The following BMI1 variants were observed in gnomAD, a reference collection of about 807,000 sequenced individuals.
BMI1 encodes the protein polycomb complex protein BMI-1.
BMI1 carries 9 observed loss-of-function variants against 39.1 expected under a neutral mutation model. That is an observed-to-expected ratio of 0.23 (90% CI 0.14 to 0.40). BMI1 has a LOEUF of 0.40. Ranked by LOEUF, BMI1 falls within the 10% of genes least tolerant of loss-of-function variation. BMI1 has a pLI of 1.00. For synonymous variants in BMI1, 131 were observed against 127.9 expected (o/e 1.02, Z -0.16); for missense variants, 252 against 390.8 (o/e 0.64, Z 2.99).
chr10:22,327,109 C>G, intron 3 of BMI1, 123 bp downstream of exon 3: 1 of 1,102,386 alleles, frequency 9.1e-7, no homozygotes, highest in Non-Finnish European at 1.3e-6. Flanking sequence ...TATGTGTGTG[C>G]TTTGTGGAGG....
Position 22,326,483 on chromosome 10 carries a change from C to G in BMI1, c.34C>G (p.Leu12Val), listed in dbSNP as rs1294694270. The G allele has an allele frequency of 6.2e-7, 1 of 1,613,948 alleles. No homozygotes were observed. Among genetic ancestry groups the G allele is most frequent in the Non-Finnish European group, 8.5e-7 (1 of 1,180,036 alleles). Residue 12 changes from leucine (L) to valine (V), a missense_variant, in exon 2 of 10, where the codon CTA becomes GTA. Around this residue, in one of 4 missense-constraint regions of BMI1, gnomAD observed 62 missense variants for 123.3 expected, o/e 0.50. Coordinates refer to ENST00000376663, the MANE Select transcript of BMI1 (RefSeq NM_005180.9). The stretch of plus-strand genomic sequence containing the variant: ...AACAACGAGAATCAAGATCACTGAG[C>G]TAAATCCCCACCTGATGTGTGTGCT... ...HRTTRIKITE[L>V]NPHLMCVLCG...
intron 7 of BMI1, 125 bp from the exon 8 acceptor site, chr10:22,328,471 ATTAG>A (rs1836208810): frequency 4.6e-6 from 4 of 876,740 alleles, no homozygotes; most frequent in Non-Finnish European, 3.3e-6. Flanking sequence ...TCAGAGTGTA[ATTAG>A]TTGAGAGGTT....
intron 3 of BMI1, 96 bp downstream of exon 3, chr10:22,327,082 C>A (rs112673710): frequency 2.2e-6 from 3 of 1,345,098 alleles, no homozygotes; most frequent in African/African-American, 2.9e-5. Flanking sequence ...AAAATTTACT[C>A]TTGAATACAT....
At chr10:22,328,457 A>G in intron 7 of BMI1, 143 bp from the exon 8 acceptor site, 2 of 818,046 alleles carry the variant, frequency 2.4e-6, no homozygotes, top group Non-Finnish European at 3.6e-6. Context: ...TAATGATAGT[A>G]AACTCAGAGT....
At chr10:22,326,255 A>G (rs761686772) in intron 1 of BMI1, among the ~76,000 whole-genome samples, 176 bp from the exon 2 acceptor site, 2 of 152,038 alleles carry the variant, frequency 1.3e-5, no homozygotes, top group Non-Finnish European at 2.9e-5. Flanking sequence ...CTTTTGCATC[A>G]GTTTGGTAGA....
At chr10:22,329,157 G>A in intron 9 of BMI1, 29 bp downstream of exon 9, 1 of 1,610,768 alleles carries the variant, frequency 6.2e-7, no homozygotes, top group Non-Finnish European at 8.5e-7. Flanking sequence ...GTTAGATTAT[G>A]ATGGTAAACT....
intron 1 of BMI1, 30 bp from the exon 2 acceptor site, chr10:22,326,401 A>C (rs1253665855): frequency 3.7e-6 from 6 of 1,607,056 alleles, no homozygotes; most frequent in Non-Finnish European, 5.1e-6. Context: ...TTGTTCTGTG[A>C]ATTATGGCCA....
chr10:22,329,553 T>G lies in BMI1; in HGVS notation c.*11T>G. On this transcript the variant is annotated 3_prime_UTR_variant, in exon 10 of 10. Transcript: ENST00000376663. ...ACTTCTTCTGGTTGATACCTGAGAC[T>G]GTTAAGGAAAAAAATTTTAAACCCC... 1 of 1,606,198 alleles carries G rather than the reference T, an allele frequency of 6.2e-7. No individual in the cohort carries two copies.
At chr10:22,326,369 G>A in intron 1 of BMI1, 62 bp from the exon 2 acceptor site, 1 of 1,594,988 alleles carries the variant, frequency 6.3e-7, no homozygotes, top group South Asian at 1.1e-5. Flanking sequence ...CAGGGTTTGT[G>A]ATTACTAGAT....
In BMI1 at chr10:22,329,067, A is replaced by C; in HGVS notation, c.590A>C (p.Glu197Ala). Residue 197 changes from glutamate to alanine, a missense_variant, in exon 9 of 10, where the codon GAG becomes GCG. By Grantham distance (107) the Glu-to-Ala change is moderately radical. This residue lies in a region of BMI1 where 27 missense variants were observed against 77.4 expected (regional missense o/e 0.35). Transcript: ENST00000376663. ...NTFQIDVMYE[E>A]EPLKDYYTLM... ...CACTAGATTGATGTCATGTATGAGG[A>C]GGAACCTTTAAAGGATTATTATACA... is the stretch of plus-strand genomic sequence containing the variant. 6.2e-7 allele frequency: 1 copy of C among 1,609,126 alleles called. No individual in the cohort carries two copies. The highest frequency in any genetic ancestry group is 2.2e-5 in the East Asian group (1 of 44,792).
In BMI1 at chr10:22,327,736, A is replaced by G. The variant is rs762779689; in HGVS notation, c.266-6A>G. 4.3e-6 allele frequency: 7 copies of G among 1,613,236 alleles called. No individual in the cohort carries two copies. Among genetic ancestry groups the G allele is most frequent in the Non-Finnish European group, 5.9e-6 (7 of 1,179,612 alleles). On this transcript the variant is annotated splice_polypyrimidine_tract_variant and splice_region_variant and intron_variant, in intron 4 of 9. Coordinates refer to ENST00000376663, the MANE Select transcript of BMI1 (RefSeq NM_005180.9). ...CCAAATGTTTACATCTTTTTTCCCC[A>G]TTCAGATGAAATGAAGAGAAGAAGG... is the stretch of plus-strand genomic sequence containing the variant.
chr10:22,329,749 T>C lies in BMI1; in HGVS notation c.*207T>C. ...AAAGAAAGATTGTTGTTATAAAGAA[T>C]TGGTTTCTTGGAAAGCAGGCAAGAC... On this transcript the variant is annotated 3_prime_UTR_variant, in exon 10 of 10. Coordinates refer to ENST00000376663, the MANE Select transcript of BMI1 (RefSeq NM_005180.9). 1.6e-6 allele frequency: 1 copy of C among 616,000 alleles called. No homozygotes were observed. The highest frequency in any genetic ancestry group is 2.7e-6 in the Non-Finnish European group (1 of 376,016). 38.2% of individuals were successfully genotyped at this position (616,000 alleles called of 1,614,324 possible).
Position 22,326,464 on chromosome 10 carries a change from G to T in BMI1, c.15G>T (p.Thr5=). The T allele has an allele frequency of 1.9e-6, 3 of 1,613,648 alleles. No homozygotes were observed. The highest frequency in any genetic ancestry group is 2.5e-6 in the Non-Finnish European group (3 of 1,179,990). ...ATCAAGCAGAAATGCATCGAACAAC[G>T]AGAATCAAGATCACTGAGCTAAATC... MHRT[T]RIKITELNPH... Residue 5 remains threonine, a synonymous_variant, in exon 2 of 10, where the codon ACG becomes ACT. Coordinates refer to ENST00000376663, the MANE Select transcript of BMI1 (RefSeq NM_005180.9).
intron 1 of BMI1, among the ~76,000 whole-genome samples, chr10:22,323,746 AGT>A (rs1378839819): frequency 6.6e-6 from 1 of 152,238 alleles, no homozygotes; most frequent in Non-Finnish European, 1.5e-5. Flanking sequence ...TTAACGGTTG[AGT>A]ATTTTTACCA....
In BMI1 at chr10:22,331,168, C is replaced by T. The variant is rs527727863; in HGVS notation, c.*1626C>T. 2 of 152,256 alleles carry T rather than the reference C, an allele frequency of 1.3e-5. No individual in the cohort carries two copies. The highest frequency in any genetic ancestry group is 3.9e-4 in the East Asian group (2 of 5,188). The allele number at this position is 152,256 out of a possible 1,614,324, so 9.4% of individuals were successfully genotyped here. ...TATTTTGACCTAAATTTGTACAGTC[C>T]CATTGTAAGTGTTGTTTCTAATTAT... On this transcript the variant is annotated 3_prime_UTR_variant, in exon 10 of 10. Transcript: ENST00000376663.
rs1341130987 is a variant in BMI1 at position 22,327,618 on chromosome 10, T to C, written c.233T>C (p.Ile78Thr). The change falls in exon 4 of 10, where the codon ATT becomes ACT. Residue 78 changes from isoleucine to threonine, a missense_variant. Physicochemically the swap from Ile to Thr is moderately conservative, Grantham distance 89. Transcript: ENST00000376663. ...NIRSDKTLQD[I>T]VYKLVPGLFK... ...AGGTCAGATAAAACTCTCCAAGATA[T>C]TGTATACAAATTAGTTCCAGGGCTT... 9 of 1,611,952 alleles carry C rather than the reference T, an allele frequency of 5.6e-6. No homozygotes were observed. Among genetic ancestry groups the C allele is most frequent in the African/African-American group, 1.3e-5 (1 of 74,922 alleles).
rs1288860147 is a variant in BMI1 at position 22,329,329 on chromosome 10, C to T, written c.768C>T (p.Asp256=). 1 of 1,614,172 alleles carries T rather than the reference C, an allele frequency of 6.2e-7. No homozygotes were observed. The highest frequency in any genetic ancestry group is 8.5e-7 in the Non-Finnish European group (1 of 1,180,034). Residue 256 remains aspartate (D), a synonymous_variant, in exon 10 of 10, where the codon GAC becomes GAT. Coordinates refer to ENST00000376663, the MANE Select transcript of BMI1 (RefSeq NM_005180.9). ...AACTGGAAAGTGACTCTGGGAGTGA[C>T]AAGGCCAACAGCCCAGCAGGAGGTA... ...AGELESDSGS[D]KANSPAGGIP... is the part of the protein sequence containing the mutation.
Position 22,321,689 on chromosome 10 carries a change from C to T in BMI1, c.-27C>T, listed in dbSNP as rs1836002200. On this transcript the variant is annotated 5_prime_UTR_variant, in exon 1 of 10. Transcript: ENST00000376663. ...CTTCGATCGCCTCGCGCCGGCTGCT[C>T]TTTCCGGGTACGTAGGAGGCGAGGC... 1.3e-5 allele frequency: 2 copies of T among 151,624 alleles called. No individual in the cohort carries two copies. The highest frequency in any genetic ancestry group is 6.6e-5 in the Admixed American group (1 of 15,196). 9.4% of individuals were successfully genotyped at this position (151,624 alleles called of 1,614,324 possible). A position where few individuals can be genotyped will look rare whatever the true frequency, so the allele number is the denominator to read the frequency against.
rs1836247115 is a variant in BMI1 at position 22,329,945 on chromosome 10, G to GA, written c.*407dup. ...TATTACGCTGTTTTGTGAACCTGTA[G>GA]AAAACAAGTGCTTTTTATCTTGAAA... On this transcript the variant is annotated 3_prime_UTR_variant, in exon 10 of 10. Coordinates refer to ENST00000376663, the MANE Select transcript of BMI1 (RefSeq NM_005180.9). 6.0e-6 allele frequency: 1 copy of GA among 167,240 alleles called. No individual in the cohort carries two copies. The highest frequency in any genetic ancestry group is 2.4e-5 in the African/African-American group (1 of 41,696). The allele number at this position is 167,240 out of a possible 1,614,324, so 10.4% of individuals were successfully genotyped here.
Sources: allele counts gnomAD v4.1 joint callset (sites outside exome capture counted in the v4.1 genomes callset), GRCh38; gene constraint gnomAD v4.1.1; regional missense constraint gnomAD v4.1.1; transcripts MANE v1.5; gene names NCBI Gene and HGNC (gene_info 2026-07-23, HGNC 2026-07-21).